CDK14: variants seen among roughly 807,000 people sequenced by gnomAD.
CDK14 encodes the protein cyclin dependent kinase 14.
In CDK14, 34 loss-of-function variants were observed where a neutral mutation model predicts 60.7. That is an observed-to-expected ratio of 0.56 (90% CI 0.43 to 0.75). The LOEUF is 0.75. CDK14 is among the 30% of genes least tolerant of loss of function. The pLI, the probability that CDK14 is intolerant of heterozygous loss-of-function variation, is 0.00. For synonymous variants in CDK14, 197 were observed against 203.7 expected, an observed-to-expected ratio of 0.97 and a Z score of 0.28; for missense variants, 482 against 564.1, an observed-to-expected ratio of 0.85 and a Z score of 1.47.
chr7:90,758,345 G>C (rs955662650), intron 4 of CDK14, among the ~76,000 whole-genome samples: 4 of 152,056 alleles, frequency 2.6e-5, no homozygotes, highest in African/African-American at 9.6e-5. Flanking sequence ...ACTGCTGACT[G>C]CTGATCTCTC....
Position 90,830,799 on chromosome 7 carries a change from T to C in CDK14, c.545-32376T>C, listed in dbSNP as rs186910511. On this transcript the variant is annotated intron_variant, in intron 5 of 14. Transcript: ENST00000380050. Reference sequence around the variant, plus strand: ...GCTTGGAAATTTATTTTGCCAGATATCCTAATTCATCTTTCTCAAGTTTAA... The same window carrying C: ...GCTTGGAAATTTATTTTGCCAGATACCCTAATTCATCTTTCTCAAGTTTAA... Among the ~76,000 whole-genome samples, 6 of 152,304 alleles carry C rather than the reference T, an allele frequency of 3.9e-5. No homozygotes were observed. In the East Asian group the frequency reaches 1.2e-3, roughly 29 times the overall value.
intron 2 of CDK14, among the ~76,000 whole-genome samples, chr7:90,622,837 A>G (rs1369571615): frequency 6.6e-6 from 1 of 151,500 alleles, no homozygotes; most frequent in African/African-American, 2.4e-5. Flanking sequence ...TTACTGTCCC[A>G]TCTTATCTCA....
rs79285665 is a variant in CDK14, at chr7:90,790,552, C to T, written c.465-21C>T. On this transcript the variant is annotated intron_variant, in intron 4 of 14. Coordinates refer to ENST00000380050, the MANE Select transcript of CDK14 (RefSeq NM_001287135.2). ...ATGGGCACATATTTTTATGAATTCA[C>T]TTATCTTTCATTTCTCACAGGGTAA... 1,716 of 1,563,944 alleles carry T rather than the reference C, an allele frequency of 1.1e-3. 14 individuals are homozygous for T. The African/African-American group carries it at 0.017, about 16-fold the overall frequency.
intron 10 of CDK14, among the ~76,000 whole-genome samples, chr7:91,008,127 CA>C (rs56082719): frequency 1.3e-3 from 83 of 62,576 alleles, no homozygotes; most frequent in East Asian, 8.4e-3. Flanking sequence ...GGGAGAAGGC[CA>C]AAAAAAAAAA....
intron 6 of CDK14, among the ~76,000 whole-genome samples, chr7:90,885,984 A>C (rs1294443728): frequency 3.9e-5 from 6 of 152,196 alleles, no homozygotes; most frequent in Admixed American, 3.9e-4. Context: ...ACATATACCT[A>C]TGCAACAAAC....
intron 4 of CDK14, 51 bp from the exon 5 acceptor site, chr7:90,790,522 C>A: frequency 1.7e-6 from 2 of 1,209,456 alleles, no homozygotes; most frequent in Non-Finnish European, 2.4e-6. Flanking sequence ...ACAATTAGAA[C>A]TATAATGGGC....
intron 8 of CDK14, among the ~76,000 whole-genome samples, chr7:90,936,277 C>A (rs1396748873): frequency 6.6e-6 from 1 of 151,686 alleles, no homozygotes; most frequent in Non-Finnish European, 1.5e-5. Context: ...ATTTGTTGTC[C>A]CAAATGAAGT....
chr7:90,737,941 A>G (rs1309441902), intron 3 of CDK14, among the ~76,000 whole-genome samples: 3 of 152,222 alleles, frequency 2.0e-5, no homozygotes, highest in African/African-American at 7.2e-5. Context: ...GTATGAAGCT[A>G]TGGACATTCT....
At position 91,147,141 on chromosome 7, in the gene CDK14, G is replaced by GTCTCTCTCTCTCTCTCTC. The variant is rs150638262; in HGVS notation, c.*28+28938_*28+28955dup. Among the ~76,000 whole-genome samples the GTCTCTCTCTCTCTCTCTC allele has an allele frequency of 6.2e-4, 49 of 79,194 alleles. 1 individual carries two copies. The highest frequency in any genetic ancestry group is 1.5e-3 in the African/African-American group (34 of 22,462). The allele number at this position is 79,194 out of a possible 152,430, so 52.0% of individuals were successfully genotyped here. A position where few individuals can be genotyped will look rare whatever the true frequency, so the allele number is the denominator to read the frequency against. On this transcript the variant is annotated intron_variant, in intron 14 of 14. Transcript: ENST00000380050. ...CCCACCTCCACTAGCACCTCTCTCT[G>GTCTCTCTCTCTCTCTCTC]TCTCTCTCTCTCTCTCTCTCTCACA...
chr7:91,116,500 TC>T (rs1384166313), intron 13 of CDK14, among the ~76,000 whole-genome samples: 1 of 152,172 alleles, frequency 6.6e-6, no homozygotes, highest in Non-Finnish European at 1.5e-5. Context: ...TTGTCGATTT[TC>T]CCACATATTC....
chr7:91,049,030 A>G (rs1016044731), intron 11 of CDK14, among the ~76,000 whole-genome samples: 10 of 144,306 alleles, frequency 6.9e-5, no homozygotes, highest in African/African-American at 2.6e-4. Flanking sequence ...AGGTGATGCC[A>G]CTATGTCTGG....
intron 14 of CDK14, among the ~76,000 whole-genome samples, chr7:91,193,695 A>G (rs1802444819): frequency 6.6e-6 from 1 of 152,160 alleles, no homozygotes; most frequent in South Asian, 2.1e-4. Flanking sequence ...CAAAGAATTT[A>G]TGGTCAAGAG....
At chr7:91,159,448 G>C (rs1801098358) in intron 14 of CDK14, among the ~76,000 whole-genome samples, 1 of 152,150 alleles carries the variant, frequency 6.6e-6, no homozygotes, top group Non-Finnish European at 1.5e-5. Flanking sequence ...GAATAACTTA[G>C]CATCATGAGA....
chr7:90,641,426 A>G (rs17869474), intron 2 of CDK14, among the ~76,000 whole-genome samples: 128 of 152,312 alleles, frequency 8.4e-4, no homozygotes, highest in African/African-American at 3.0e-3. Context: ...TATATAATGA[A>G]ATGTTATTCA....
At chr7:90,905,762 T>A (rs907088556) in intron 7 of CDK14, among the ~76,000 whole-genome samples, 1 of 152,196 alleles carries the variant, frequency 6.6e-6, no homozygotes, top group African/African-American at 2.4e-5. Flanking sequence ...TATTTGTGAC[T>A]TTCGAAACAC....
chr7:91,182,556 T>TA (rs1293927440), intron 14 of CDK14, among the ~76,000 whole-genome samples: 1 of 151,750 alleles, frequency 6.6e-6, no homozygotes, highest in Non-Finnish European at 1.5e-5. Context: ...ACATAAAATT[T>TA]AAAAAAATAG....
In CDK14 at chr7:91,076,099, A is replaced by T. The variant is rs561180173; in HGVS notation, c.1106-3333A>T. Among the ~76,000 whole-genome samples the T allele has an allele frequency of 1.5e-3, 222 of 151,916 alleles. 6 individuals are homozygous for T. The South Asian group carries it at 0.044, about 30-fold the overall frequency. ...CATCAAGCTATCATTGACATTCCTCACAGAATTAGAAAAAAAAACTACTTT... is the reference window on the plus strand; with the variant it reads ...CATCAAGCTATCATTGACATTCCTCTCAGAATTAGAAAAAAAAACTACTTT... On this transcript the variant is annotated intron_variant, in intron 11 of 14. Transcript: ENST00000380050.
At chr7:90,611,978 G>A (rs536822118) in intron 2 of CDK14, among the ~76,000 whole-genome samples, 3 of 151,626 alleles carry the variant, frequency 2.0e-5, no homozygotes, top group East Asian at 1.9e-4. Context: ...GATTACAGAC[G>A]CCCACCACCA....
chr7:91,140,886 T>G (rs1800435971), intron 14 of CDK14, among the ~76,000 whole-genome samples: 1 of 152,162 alleles, frequency 6.6e-6, no homozygotes, highest in Admixed American at 6.5e-5. Flanking sequence ...GCCATTTTTT[T>G]GGTCTTTTTT....
Sources: allele counts gnomAD v4.1 joint callset (sites outside exome capture counted in the v4.1 genomes callset), GRCh38; gene constraint gnomAD v4.1.1; transcripts MANE v1.5; gene names NCBI Gene and HGNC (gene_info 2026-07-23, HGNC 2026-07-21).